The following NBAS variants were observed in gnomAD, a reference collection of about 807,000 sequenced individuals.
NBAS encodes NBAS subunit of NRZ tethering complex, also known as NAG/BC035112 fusion.
NBAS carries 219 observed loss-of-function variants against 302.5 expected under a neutral mutation model. The observed-to-expected ratio is 0.72, with a 90% confidence interval of 0.65 to 0.81. The LOEUF (loss-of-function observed/expected upper bound fraction) is 0.81, where lower values mean the gene tolerates loss of function less well. Ranked by LOEUF, NBAS falls within the 30% of genes least tolerant of loss-of-function variation. The pLI is 0.00. For missense variants in NBAS, 2,932 were observed against 2,841.6 expected (o/e 1.03, Z -0.72); for synonymous variants, 1,118 against 1,021.6 (o/e 1.09, Z -1.80).
At chr2:15,213,160 C>T (rs1186890453) in intron 48 of NBAS, among the ~76,000 whole-genome samples, 1 of 152,162 alleles carries the variant, frequency 6.6e-6, no homozygotes, top group African/African-American at 2.4e-5. Flanking sequence ...TCCAAGCTCA[C>T]AGAGCTAGGG....
chr2:14,879,305 G>T, the NBAS span, among the ~76,000 whole-genome samples: 1 of 152,034 alleles, frequency 6.6e-6, no homozygotes, highest in African/African-American at 2.4e-5. Context: ...CATTTTGGGG[G>T]ACCTGCTAGA....
chr2:14,927,968 C>T, the NBAS span, among the ~76,000 whole-genome samples: 1 of 152,070 alleles, frequency 6.6e-6, no homozygotes, highest in Non-Finnish European at 1.5e-5. Flanking sequence ...TGAGTTTATT[C>T]CATAGGGTAT....
At chr2:14,788,353 G>C in the NBAS span, among the ~76,000 whole-genome samples, 3 of 151,318 alleles carry the variant, frequency 2.0e-5, no homozygotes, top group Non-Finnish European at 4.4e-5. Flanking sequence ...GCTTTGTTCC[G>C]TTGCTGGTGA....
At chr2:14,872,874 G>A in the NBAS span, among the ~76,000 whole-genome samples, 1 of 152,118 alleles carries the variant, frequency 6.6e-6, no homozygotes, top group East Asian at 1.9e-4. Flanking sequence ...CGCCTCCGGA[G>A]TTGTTTGTTC....
chr2:15,394,325 A>C lies in NBAS; in HGVS notation c.3159T>G (p.His1053Gln). The change falls in exon 28 of 52, where the codon CAT becomes CAG. Residue 1053 changes from histidine to glutamine, a missense_variant. Physicochemically the swap from His to Gln is conservative, Grantham distance 24. Coordinates refer to ENST00000281513, the MANE Select transcript of NBAS (RefSeq NM_015909.4). Reference protein sequence around the residue: ...ILSVSELLEKHGLEKPISFVK... With the variant: ...ILSVSELLEKQGLEKPISFVK... Reference sequence around the variant, plus strand: ...CAAATGAAATTGGTTTCTCGAGTCCATGTTTTTCCAAAAGCTCTGACACAC... The same window carrying C: ...CAAATGAAATTGGTTTCTCGAGTCCCTGTTTTTCCAAAAGCTCTGACACAC... 1 of 1,613,170 alleles carries C rather than the reference A, an allele frequency of 6.2e-7. No homozygotes were observed. The highest frequency in any genetic ancestry group is 1.3e-5 in the African/African-American group (1 of 74,984).
At chr2:15,229,986 T>A (rs1450047621) in intron 47 of NBAS, among the ~76,000 whole-genome samples, 1 of 152,066 alleles carries the variant, frequency 6.6e-6, no homozygotes, top group Non-Finnish European at 1.5e-5. Flanking sequence ...GTGTGTGACA[T>A]CTGAAGATGT....
At chr2:15,556,226 A>G (rs1423283596) in intron 3 of NBAS, among the ~76,000 whole-genome samples, 1 of 152,210 alleles carries the variant, frequency 6.6e-6, no homozygotes, top group African/African-American at 2.4e-5. Flanking sequence ...ACGAAGAAGC[A>G]ATCTATGTAA....
intron 40 of NBAS, among the ~76,000 whole-genome samples, chr2:15,299,507 G>A (rs1488248220): frequency 6.6e-6 from 1 of 152,046 alleles, no homozygotes; most frequent in Admixed American, 6.5e-5. Context: ...CCCCTTTAGG[G>A]TTGTTATTTT....
chr2:15,272,570 G>C (rs1473111992), intron 44 of NBAS, among the ~76,000 whole-genome samples: 1 of 152,046 alleles, frequency 6.6e-6, no homozygotes, highest in Non-Finnish European at 1.5e-5. Context: ...TTAAAAGCTT[G>C]CTGATTAATA....
chr2:14,786,877 T>G, the NBAS span, among the ~76,000 whole-genome samples: 1 of 152,140 alleles, frequency 6.6e-6, no homozygotes, highest in Non-Finnish European at 1.5e-5. Context: ...TGGGTATCCT[T>G]GTTAACTTTC....
At chr2:15,503,733 T>C (rs1380702830) in intron 11 of NBAS, among the ~76,000 whole-genome samples, 1 of 152,186 alleles carries the variant, frequency 6.6e-6, no homozygotes, top group African/African-American at 2.4e-5. Flanking sequence ...TCTTGGAGCA[T>C]CAGTAATCTC....
At chr2:15,192,446 G>GT in intron 48 of NBAS, among the ~76,000 whole-genome samples, 1 of 151,968 alleles carries the variant, frequency 6.6e-6, no homozygotes, top group Admixed American at 6.5e-5. Flanking sequence ...TTTGTGGCTG[G>GT]TTTCATTATT....
chr2:14,997,608 T>A, the NBAS span, among the ~76,000 whole-genome samples: 1 of 152,332 alleles, frequency 6.6e-6, no homozygotes, highest in South Asian at 2.1e-4. Flanking sequence ...TTACCTCACA[T>A]AAATACCTTT....
chr2:14,818,884 T>C, the NBAS span, among the ~76,000 whole-genome samples: 1 of 152,162 alleles, frequency 6.6e-6, no homozygotes, highest in Admixed American at 6.5e-5. Context: ...TATTTTTAGG[T>C]CTTTGAACAT....
intron 21 of NBAS, among the ~76,000 whole-genome samples, chr2:15,437,046 A>AT (rs1007396161): frequency 1.3e-5 from 2 of 152,102 alleles, no homozygotes; most frequent in African/African-American, 2.4e-5. Context: ...TGTACAGCAG[A>AT]TTTTTTTTCA....
At chr2:15,326,872 G>A (rs1672093076) in intron 38 of NBAS, among the ~76,000 whole-genome samples, 1 of 152,106 alleles carries the variant, frequency 6.6e-6, no homozygotes, top group Admixed American at 6.6e-5. Context: ...CCAGCAGCAT[G>A]TGAGTACTGA....
At chr2:15,388,057 G>C (rs1675396728) in intron 28 of NBAS, among the ~76,000 whole-genome samples, 1 of 152,116 alleles carries the variant, frequency 6.6e-6, no homozygotes, top group African/African-American at 2.4e-5. Flanking sequence ...ATATACATTT[G>C]CTGGAATTTT....
At chr2:14,800,502 T>A in the NBAS span, among the ~76,000 whole-genome samples, 1 of 152,232 alleles carries the variant, frequency 6.6e-6, no homozygotes. Context: ...TTATCAGCAG[T>A]GTGAAAGTGG....
At chr2:15,172,180 G>C (rs1664328971) in intron 51 of NBAS, among the ~76,000 whole-genome samples, 1 of 152,172 alleles carries the variant, frequency 6.6e-6, no homozygotes, top group South Asian at 2.1e-4. Flanking sequence ...ATTTTGATAG[G>C]AAAAAATCAC....
Sources: gnomAD v4.1 joint callset for allele counts (sites outside exome capture counted in the v4.1 genomes callset) on GRCh38, gnomAD v4.1.1 for gene constraint, MANE v1.5 for transcripts, NCBI Gene and HGNC (gene_info 2026-07-23, HGNC 2026-07-21) for gene names.